BMP2K: variants seen among roughly 807,000 people sequenced by gnomAD.
The protein encoded by BMP2K is BMP2 inducible kinase.
Under a neutral mutation model 116.0 loss-of-function variants are expected in BMP2K, and 74 were observed. That is an observed-to-expected ratio of 0.64 (90% CI 0.53 to 0.77). The LOEUF is 0.77. Among genes scored for constraint, BMP2K ranks in the 30% least tolerant of loss-of-function variants. The pLI, the probability that BMP2K is intolerant of heterozygous loss-of-function variation, is 0.00. For missense variants in BMP2K, 1,365 were observed against 1,403.6 expected, an observed-to-expected ratio of 0.97 and a Z score of 0.44; for synonymous variants, 486 against 502.5, an observed-to-expected ratio of 0.97 and a Z score of 0.44.
At chr4:78,867,825 C>T (rs1304816337) in intron 10 of BMP2K, among the ~76,000 whole-genome samples, 2 of 152,114 alleles carry the variant, frequency 1.3e-5, no homozygotes, top group African/African-American at 4.8e-5. Flanking sequence ...TTTGAGAGGC[C>T]GAGTTGGGTG....
intron 1 of BMP2K, among the ~76,000 whole-genome samples, chr4:78,817,068 A>G (rs1330331643): frequency 6.6e-6 from 1 of 152,226 alleles, no homozygotes; most frequent in African/African-American, 2.4e-5. Context: ...CTTCTTGACA[A>G]TCAGTTTTGA....
intron 15 of BMP2K, among the ~76,000 whole-genome samples, chr4:78,896,535 T>C (rs556854712): frequency 2.0e-5 from 3 of 152,174 alleles, no homozygotes; most frequent in African/African-American, 7.2e-5. Flanking sequence ...AAGAAAAATA[T>C]ATGTGAAGCA....
At chr4:78,856,655 C>T (rs1434890006) in intron 7 of BMP2K, among the ~76,000 whole-genome samples, 4 of 151,908 alleles carry the variant, frequency 2.6e-5, no homozygotes. Context: ...CAGAGATGGT[C>T]CACTGGAGCT....
chr4:78,878,818 T>C lies in BMP2K; in HGVS notation c.1878T>C (p.Pro626=), dbSNP rs1242628707. The change falls in exon 14 of 16, where the codon CCT becomes CCC. Residue 626 remains proline, a synonymous_variant. Coordinates refer to ENST00000502613, the MANE Select transcript of BMP2K (RefSeq NM_198892.2). The stretch of plus-strand genomic sequence containing the variant: ...CACCTGATATGTCAGGGTGGAATCC[T>C]TTTGGAGAGGATAATTTCTCTAAGT... ...SNPPDMSGWN[P]FGEDNFSKLT... 2 of 1,613,400 alleles carry C rather than the reference T, an allele frequency of 1.2e-6. No homozygotes were observed. The highest frequency in any genetic ancestry group is 1.7e-5 in the Admixed American group (1 of 59,890).
In BMP2K at chr4:78,914,537, A is replaced by C. The variant is rs1734876427; in HGVS notation, c.*2504A>C. Reference sequence around the variant, plus strand: ...TCATGGTCAAGGTGTAGGTCACTCCACACAGCTGATGCTCAGGTTATTCCC... The same window carrying C: ...TCATGGTCAAGGTGTAGGTCACTCCCCACAGCTGATGCTCAGGTTATTCCC... On this transcript the variant is annotated 3_prime_UTR_variant, in exon 16 of 16. Transcript: ENST00000502613. 1 of 151,836 alleles carries C rather than the reference A, an allele frequency of 6.6e-6. No homozygotes were observed. The highest frequency in any genetic ancestry group is 2.1e-4 in the South Asian group (1 of 4,830). 9.4% of individuals were successfully genotyped at this position (151,836 alleles called of 1,614,324 possible).
intron 1 of BMP2K, among the ~76,000 whole-genome samples, chr4:78,799,890 A>G (rs1728486606): frequency 6.6e-6 from 1 of 152,216 alleles, no homozygotes; most frequent in Non-Finnish European, 1.5e-5. Flanking sequence ...ACTGGAAAAC[A>G]ACAATAATAA....
intron 1 of BMP2K, among the ~76,000 whole-genome samples, chr4:78,798,375 C>T (rs1462568790): frequency 1.3e-5 from 2 of 152,056 alleles, no homozygotes; most frequent in Non-Finnish European, 2.9e-5. Flanking sequence ...AGAGGTGGGT[C>T]GAAGGGGACA....
chr4:78,817,894 C>T (rs1729429307), intron 1 of BMP2K, among the ~76,000 whole-genome samples: 1 of 152,148 alleles, frequency 6.6e-6, no homozygotes, highest in East Asian at 1.9e-4. Flanking sequence ...CTAAGTGGTT[C>T]TGAAGCTCTG....
chr4:78,803,823 A>G (rs1327846707), intron 1 of BMP2K, among the ~76,000 whole-genome samples: 1 of 152,138 alleles, frequency 6.6e-6, no homozygotes, highest in African/African-American at 2.4e-5. Context: ...ATATATGATG[A>G]TCCTTCATGA....
At chr4:78,908,755 T>C (rs545227157) in intron 15 of BMP2K, among the ~76,000 whole-genome samples, 26 of 152,336 alleles carry the variant, frequency 1.7e-4, no homozygotes, top group African/African-American at 6.0e-4. Context: ...TAAAAAATTA[T>C]GCTCATTAAA....
At chr4:78,814,019 C>T (rs1466820058) in intron 1 of BMP2K, among the ~76,000 whole-genome samples, 1 of 152,082 alleles carries the variant, frequency 6.6e-6, no homozygotes, top group Non-Finnish European at 1.5e-5. Flanking sequence ...GTTTCTTTGA[C>T]TTGAAGCAGA....
chr4:78,905,705 G>C (rs1159504522), intron 15 of BMP2K, among the ~76,000 whole-genome samples: 2 of 151,922 alleles, frequency 1.3e-5, no homozygotes, highest in Non-Finnish European at 2.9e-5. Flanking sequence ...ATTAACTTTA[G>C]CAGTGAAATA....
chr4:78,787,126 T>C (rs2109926058), intron 1 of BMP2K, among the ~76,000 whole-genome samples: 1 of 152,274 alleles, frequency 6.6e-6, no homozygotes, highest in South Asian at 2.1e-4. Context: ...AGGTTGAGTT[T>C]TGGTATTCAA....
chr4:78,872,507 C>T, intron 12 of BMP2K, 107 bp from the exon 13 acceptor site: 1 of 981,242 alleles, frequency 1.0e-6, no homozygotes, highest in Non-Finnish European at 1.4e-6. Flanking sequence ...TTTTACGTTT[C>T]TGATTTTGTC....
intron 1 of BMP2K, among the ~76,000 whole-genome samples, chr4:78,802,253 T>C (rs1026603087): frequency 6.6e-6 from 1 of 152,198 alleles, no homozygotes; most frequent in Non-Finnish European, 1.5e-5. Context: ...CAGTGTGACC[T>C]TCTTACTCTT....
chr4:78,830,231 G>A lies in BMP2K; in HGVS notation c.298-3351G>A, dbSNP rs144574223. Among the ~76,000 whole-genome samples the A allele has an allele frequency of 7.6e-3, 1,153 of 152,266 alleles. 6 individuals carry two copies. Among genetic ancestry groups the A allele is most frequent in the Non-Finnish European group, 0.011 (779 of 68,026 alleles). On this transcript the variant is annotated intron_variant, in intron 2 of 15. Coordinates refer to ENST00000502613, the MANE Select transcript of BMP2K (RefSeq NM_198892.2). ...TCAGAGCTCATGGGTGACTAGGTACGTTGTCAATGAGCAGTAATATTTTGA... is the reference window on the plus strand; with the variant it reads ...TCAGAGCTCATGGGTGACTAGGTACATTGTCAATGAGCAGTAATATTTTGA...
chr4:78,784,553 C>G (rs1727648613), intron 1 of BMP2K, among the ~76,000 whole-genome samples: 1 of 152,176 alleles, frequency 6.6e-6, no homozygotes, highest in African/African-American at 2.4e-5. Context: ...TGTCTGCTAA[C>G]TGTTTCAAAA....
At chr4:78,860,681 C>G (rs192586624) in intron 8 of BMP2K, among the ~76,000 whole-genome samples, 1 of 151,180 alleles carries the variant, frequency 6.6e-6, no homozygotes, top group African/African-American at 2.4e-5. Flanking sequence ...TTGTAAAGAT[C>G]ATTCTGGCCT....
At position 78,887,206 on chromosome 4, in the gene BMP2K, A is replaced by C; in HGVS notation, c.1984A>C (p.Asn662His). ...RLEERASSDKNVDSLSAPHNH... is the reference protein window; with the variant it reads ...RLEERASSDKHVDSLSAPHNH... The stretch of plus-strand genomic sequence containing the variant: ...CGAGGAGAGAGCATCCTCAGATAAG[A>C]ATGTAGACTCACTTTCTGCTCCACA... The change falls in exon 15 of 16, where the codon AAT (asparagine) becomes CAT (histidine). Residue 662 changes from asparagine to histidine, a missense_variant. Physicochemically the swap from Asn to His is moderately conservative, Grantham distance 68 (BLOSUM62 1). Around this residue, in one of 3 missense-constraint regions of BMP2K, gnomAD observed 596 missense variants for 623.2 expected, o/e 0.96. Coordinates refer to ENST00000502613, the MANE Select transcript of BMP2K (RefSeq NM_198892.2). 1 of 1,611,418 alleles carries C rather than the reference A, an allele frequency of 6.2e-7. No individual in the cohort carries two copies. The highest frequency in any genetic ancestry group is 1.7e-4 in the Middle Eastern group (1 of 6,058).
Sources: gnomAD v4.1 joint callset for allele counts (sites outside exome capture counted in the v4.1 genomes callset) on GRCh38, gnomAD v4.1.1 for gene constraint, gnomAD v4.1.1 regional missense constraint, MANE v1.5 for transcripts, NCBI Gene and HGNC (gene_info 2026-07-23, HGNC 2026-07-21) for gene names.